Variants in SETD7 observed in about 807,000 individuals in gnomAD.
SETD7 encodes the protein histone-lysine N-methyltransferase SETD7.
SETD7 carries 16 observed loss-of-function variants against 41.8 expected under a neutral mutation model. The observed-to-expected ratio is 0.38, with a 90% CI of 0.26 to 0.58. The LOEUF (loss-of-function observed/expected upper bound fraction) is 0.58. Ranked by LOEUF, SETD7 falls within the 20% of genes least tolerant of loss-of-function variation. The pLI is 0.64. For synonymous variants in SETD7, 163 were observed against 169.7 expected (o/e 0.96, Z 0.31); for missense variants, 346 against 459.7 (o/e 0.75, Z 2.26).
Position 139,541,503 on chromosome 4 carries a change from G to A in SETD7, c.170+5417C>T, listed in dbSNP as rs570071441. ...ACACCAACAAAGCCTCAAGATTCCTGTCACCACGCTGCATCAATTCCTTTA... is the reference window on the plus strand; with the variant it reads ...ACACCAACAAAGCCTCAAGATTCCTATCACCACGCTGCATCAATTCCTTTA... On this transcript the variant is annotated intron_variant, in intron 2 of 7. Transcript: ENST00000274031. 1.3e-3 allele frequency among the ~76,000 whole-genome samples: 193 copies of A among 152,292 alleles called. 3 individuals carry two copies. The South Asian group carries it at 0.019, about 15-fold the overall frequency.
chr4:139,540,670 G>A (rs1353526118), intron 2 of SETD7, among the ~76,000 whole-genome samples: 2 of 152,174 alleles, frequency 1.3e-5, no homozygotes, highest in Non-Finnish European at 2.9e-5. Flanking sequence ...GTTATTCAAT[G>A]TTACCCATTT....
chr4:139,512,782 G>C (rs566284794), intron 7 of SETD7, among the ~76,000 whole-genome samples: 18 of 99,362 alleles, frequency 1.8e-4, no homozygotes, highest in Non-Finnish European at 2.9e-4. Flanking sequence ...TTTTGAGACA[G>C]AGTCTTGCTC....
chr4:139,549,830 T>C (rs895692632), intron 1 of SETD7, among the ~76,000 whole-genome samples: 3 of 152,024 alleles, frequency 2.0e-5, no homozygotes, highest in Non-Finnish European at 4.4e-5. Context: ...CAGACTGGAG[T>C]GCAATGGTGC....
chr4:139,523,645 T>G (rs1425320639), intron 4 of SETD7, among the ~76,000 whole-genome samples: 1 of 152,272 alleles, frequency 6.6e-6, no homozygotes, highest in Non-Finnish European at 1.5e-5. Context: ...AGCCATCAGA[T>G]GCATCTCTTA....
At chr4:139,523,872 T>A (rs879800886) in intron 4 of SETD7, among the ~76,000 whole-genome samples, 7 of 152,208 alleles carry the variant, frequency 4.6e-5, no homozygotes, top group Non-Finnish European at 1.0e-4. Context: ...AGAATAAAAT[T>A]CTGCCTCACC....
At chr4:139,505,467 T>C (rs1449020172), downstream of SETD7, among the ~76,000 whole-genome samples, 1 of 152,110 alleles carries the variant, frequency 6.6e-6, no homozygotes, top group Non-Finnish European at 1.5e-5. Flanking sequence ...TAAGCGCCTG[T>C]AATCCCAGCT....
rs771657837 is a variant in SETD7, at chr4:139,506,867, C to G, written c.*4796G>C. The G allele has an allele frequency of 6.6e-6, 1 of 152,638 alleles. No homozygotes were observed. The highest frequency in any genetic ancestry group is 1.5e-5 in the Non-Finnish European group (1 of 68,064). The allele number at this position is 152,638 out of a possible 1,614,324, so 9.5% of individuals were successfully genotyped here. A position where few individuals can be genotyped will look rare whatever the true frequency, so the allele number is the denominator to read the frequency against. ...TGTGTAAAGTCACAGACAGAGGAAG[C>G]AAGGATTTTTGTTATCGGAGGACGT... is the stretch of plus-strand genomic sequence containing the variant. On this transcript the variant is annotated 3_prime_UTR_variant, in exon 8 of 8. Coordinates refer to ENST00000274031, the MANE Select transcript of SETD7 (RefSeq NM_030648.4).
intron 7 of SETD7, among the ~76,000 whole-genome samples, chr4:139,496,996 A>G (rs955313523): frequency 6.6e-6 from 1 of 152,200 alleles, no homozygotes; most frequent in Non-Finnish European, 1.5e-5. Context: ...TAATGATCTT[A>G]TAACTCGTGT....
chr4:139,533,764 C>T (rs1727555579), intron 2 of SETD7, among the ~76,000 whole-genome samples: 2 of 152,166 alleles, frequency 1.3e-5, no homozygotes, highest in South Asian at 2.1e-4. Flanking sequence ...ACTGGTAGTT[C>T]TCAAGGGTCT....
chr4:139,541,711 T>C (rs981085827), intron 2 of SETD7, among the ~76,000 whole-genome samples: 1 of 152,244 alleles, frequency 6.6e-6, no homozygotes, highest in Non-Finnish European at 1.5e-5. Flanking sequence ...AGCATGAGTA[T>C]TCTGATTTTA....
chr4:139,553,614 G>A (rs776706995), intron 1 of SETD7, among the ~76,000 whole-genome samples: 8 of 152,144 alleles, frequency 5.3e-5, no homozygotes, highest in Admixed American at 1.3e-4. Context: ...CTCAGTTCCC[G>A]CCTCTGTAAA....
rs1446067621 is a variant in SETD7 at position 139,520,134 on chromosome 4, A to AG, written c.762+142dup. 5.6e-6 allele frequency: 3 copies of AG among 533,386 alleles called. No individual in the cohort carries two copies. The African/African-American group carries it at 5.9e-5, about 10-fold the overall frequency. 33.0% of individuals were successfully genotyped at this position (533,386 alleles called of 1,614,324 possible). A position where few individuals can be genotyped will look rare whatever the true frequency, so the allele number is the denominator to read the frequency against. On this transcript the variant is annotated intron_variant, in intron 6 of 7. Transcript: ENST00000274031. ...AAAATCGTATTAAGGCTTAAAATAA[A>AG]GAGGATGAAAATGTCCAATCATTTT... is the stretch of plus-strand genomic sequence containing the variant.
chr4:139,540,568 G>T (rs1727752725), intron 2 of SETD7, among the ~76,000 whole-genome samples: 2 of 152,180 alleles, frequency 1.3e-5, no homozygotes, highest in Admixed American at 6.5e-5. Flanking sequence ...TAGCCACTCT[G>T]TGCCTTAGTT....
Position 139,529,196 on chromosome 4 carries a change from C to T in SETD7, c.397G>A (p.Val133Ile), listed in dbSNP as rs1727413475. The change falls in exon 4 of 8, where the codon GTA becomes ATA. Residue 133 changes from valine (V) to isoleucine (I), a missense_variant. Coordinates refer to ENST00000274031, the MANE Select transcript of SETD7 (RefSeq NM_030648.4). Reference sequence around the variant, plus strand: ...CCAGTCATCTCCCCATCTTCATTTACTTCTCCTACAAGGCTTCCTCCATCC... The same window carrying T: ...CCAGTCATCTCCCCATCTTCATTTATTTCTCCTACAAGGCTTCCTCCATCC... ...YPDGGSLVGEVNEDGEMTGEK... is the reference protein window; with the variant it reads ...YPDGGSLVGEINEDGEMTGEK... 1 of 1,613,330 alleles carries T rather than the reference C, an allele frequency of 6.2e-7. No homozygotes were observed. The highest frequency in any genetic ancestry group is 8.5e-7 in the Non-Finnish European group (1 of 1,179,864).
Position 139,518,008 on chromosome 4 carries a change from G to A in SETD7, c.797C>T (p.Thr266Ile), listed in dbSNP as rs61734299. The stretch of plus-strand genomic sequence containing the variant: ...GACCGTTTCTTCATCAAGGGAGAGG[G>A]TGTTCCCATTAAGGGCCCAGTCCCT... ...DSRDWALNGNTLSLDEETVID... is the reference protein window; with the variant it reads ...DSRDWALNGNILSLDEETVID... The change falls in exon 7 of 8, where the codon ACC becomes ATC. Residue 266 changes from threonine to isoleucine, a missense_variant. Coordinates refer to ENST00000274031, the MANE Select transcript of SETD7 (RefSeq NM_030648.4). 4.5e-4 allele frequency: 729 copies of A among 1,613,842 alleles called. 5 individuals are homozygous for A. The highest frequency in any genetic ancestry group is 8.8e-5 in the Non-Finnish European group (104 of 1,179,918).
chr4:139,526,567 A>T (rs1167877492), intron 4 of SETD7, among the ~76,000 whole-genome samples: 1 of 151,816 alleles, frequency 6.6e-6, no homozygotes, highest in African/African-American at 2.4e-5. Context: ...TACAGCTGTG[A>T]GCCACCAGCC....
At chr4:139,514,991 A>AC (rs1726983811) in intron 7 of SETD7, among the ~76,000 whole-genome samples, 1 of 152,030 alleles carries the variant, frequency 6.6e-6, no homozygotes, top group South Asian at 2.1e-4. Flanking sequence ...CATGGCATAA[A>AC]CCCGTCTCTA....
At chr4:139,533,446 C>T in intron 2 of SETD7, 80 bp from the exon 3 acceptor site, 1 of 1,224,040 alleles carries the variant, frequency 8.2e-7, no homozygotes, top group Non-Finnish European at 1.2e-6. Flanking sequence ...ATCCAAGGAA[C>T]TGCATGCCCA....
At chr4:139,520,232 C>A in intron 6 of SETD7, 45 bp downstream of exon 6, 3 of 1,024,440 alleles carry the variant, frequency 2.9e-6, no homozygotes, top group South Asian at 1.7e-5. Context: ...TGAAGCAAAG[C>A]CCTTTAACCA....
Sources: allele counts gnomAD v4.1 joint callset (sites outside exome capture counted in the v4.1 genomes callset), GRCh38; gene constraint gnomAD v4.1.1; transcripts MANE v1.5; gene names NCBI Gene and HGNC (gene_info 2026-07-23, HGNC 2026-07-21).